Variants in RASGEF1C observed in about 807,000 individuals in gnomAD.
The protein encoded by RASGEF1C is ras-GEF domain-containing family member 1C.
A neutral mutation model predicts 58.1 loss-of-function variants in RASGEF1C; 27 were observed. That is an observed-to-expected ratio of 0.46 (90% CI 0.34 to 0.64). The LOEUF is 0.64. Ranked by LOEUF, RASGEF1C falls within the 30% of genes least tolerant of loss-of-function variation. The pLI, the probability that RASGEF1C is intolerant of heterozygous loss-of-function variation, is 0.01. For synonymous variants in RASGEF1C, 243 were observed against 246.3 expected (o/e 0.99, Z 0.13); for missense variants, 502 against 605.1 (o/e 0.83, Z 1.79).
At chr5:180,172,024 G>A (rs984528655) in intron 1 of RASGEF1C, among the ~76,000 whole-genome samples, 6 of 152,232 alleles carry the variant, frequency 3.9e-5, no homozygotes, top group African/African-American at 9.6e-5. Context: ...GCCGACACCC[G>A]CAAGGAATCT....
At chr5:180,166,730 G>A (rs1407373749) in intron 1 of RASGEF1C, among the ~76,000 whole-genome samples, 1 of 151,896 alleles carries the variant, frequency 6.6e-6, no homozygotes, top group Non-Finnish European at 1.5e-5. Flanking sequence ...TGGCCAGGCT[G>A]GTCTCAAACT....
At position 180,163,254 on chromosome 5, in the gene RASGEF1C, C is replaced by CTTTTTTTTTTTTTTTTTTTTTT. The variant is rs1187829324; in HGVS notation, c.-6-25197_-6-25196insAAAAAAAAAAAAAAAAAAAAAA. ...CACTTTTTTTTTTTTTTTTTTTTTC[C>CTTTTTTTTTTTTTTTTTTTTTT]AGCCTATTGCACTGGCTAGGACTTC... On this transcript the variant is annotated intron_variant, in intron 1 of 13. Transcript: ENST00000361132. Among the ~76,000 whole-genome samples the CTTTTTTTTTTTTTTTTTTTTTT allele has an allele frequency of 2.4e-3, 169 of 71,042 alleles. 30 individuals carry two copies. Among genetic ancestry groups the CTTTTTTTTTTTTTTTTTTTTTT allele is most frequent in the African/African-American group, 5.1e-3 (82 of 15,964 alleles). 46.6% of individuals were successfully genotyped at this position (71,042 alleles called of 152,430 possible).
intron 1 of RASGEF1C, among the ~76,000 whole-genome samples, chr5:180,163,593 C>A (rs1476913656): frequency 6.6e-6 from 1 of 152,032 alleles, no homozygotes; most frequent in Non-Finnish European, 1.5e-5. Flanking sequence ...AAATAGTAAA[C>A]CAGTCTTGCA....
intron 4 of RASGEF1C, among the ~76,000 whole-genome samples, chr5:180,132,787 A>G (rs747319661): frequency 2.0e-5 from 3 of 152,054 alleles, no homozygotes; most frequent in African/African-American, 7.2e-5. Flanking sequence ...TGGCCAACAT[A>G]GTGAAACCCT....
intron 12 of RASGEF1C, among the ~76,000 whole-genome samples, chr5:180,109,326 TGG>T (rs1765920433): frequency 6.6e-6 from 1 of 151,820 alleles, no homozygotes; most frequent in Non-Finnish European, 1.5e-5. Flanking sequence ...GGCGTGGTGG[TGG>T]GTGCCTGTAG....
At chr5:180,126,862 G>A (rs1170463465) in intron 6 of RASGEF1C, among the ~76,000 whole-genome samples, 1 of 152,182 alleles carries the variant, frequency 6.6e-6, no homozygotes, top group Non-Finnish European at 1.5e-5. Context: ...CATTTAGAGC[G>A]TCGATGCTAG....
intron 11 of RASGEF1C, among the ~76,000 whole-genome samples, chr5:180,112,148 G>A (rs1285622086): frequency 6.6e-6 from 1 of 152,038 alleles, no homozygotes; most frequent in Non-Finnish European, 1.5e-5. Context: ...GAAGGGCTAA[G>A]GCAGGGGGTT....
rs1437044546 is a variant in RASGEF1C at position 180,161,358 on chromosome 5, T to A, written c.-6-23300A>T. 2.0e-5 allele frequency among the ~76,000 whole-genome samples: 3 copies of A among 152,224 alleles called. No individual in the cohort carries two copies. In the East Asian group the frequency reaches 5.8e-4, roughly 29 times the overall value. On this transcript the variant is annotated intron_variant, in intron 1 of 13. Transcript: ENST00000361132. Reference sequence around the variant, plus strand: ...TCCGAGGCAAGGAGACTGAGGTGGTTTCCTCCCTGGAAAGCGGAGGTGGCA... The same window carrying A: ...TCCGAGGCAAGGAGACTGAGGTGGTATCCTCCCTGGAAAGCGGAGGTGGCA...
chr5:180,118,279 G>C (rs930307039), intron 10 of RASGEF1C, among the ~76,000 whole-genome samples: 1 of 152,144 alleles, frequency 6.6e-6, no homozygotes, highest in African/African-American at 2.4e-5. Flanking sequence ...CGCTGACTCC[G>C]GAGAAGAGAG....
At chr5:180,161,391 G>GC (rs942284150) in intron 1 of RASGEF1C, among the ~76,000 whole-genome samples, 4 of 152,278 alleles carry the variant, frequency 2.6e-5, no homozygotes, top group Admixed American at 2.0e-4. Flanking sequence ...GCAAGAACTG[G>GC]CCCTAGCCCC....
At chr5:180,202,151 T>C (rs1308976606) in intron 1 of RASGEF1C, among the ~76,000 whole-genome samples, 1 of 152,046 alleles carries the variant, frequency 6.6e-6, no homozygotes, top group East Asian at 1.9e-4. Flanking sequence ...TTAGAAAATC[T>C]CTTAGGGAGA....
At chr5:180,134,945 A>G (rs13159466) in intron 4 of RASGEF1C, among the ~76,000 whole-genome samples, 128,360 of 138,100 alleles carry the variant, frequency 0.93, 59,881 homozygotes, top group East Asian at 1. Context: ...CTGCCTATCC[A>G]ATTACCCAGT....
chr5:180,102,192 A>G, intron 12 of RASGEF1C, 49 bp from the exon 13 acceptor site: 1 of 1,106,826 alleles, frequency 9.0e-7, no homozygotes, highest in Non-Finnish European at 1.4e-6. Context: ...GATGATAATA[A>G]CCTGTTCTAC....
intron 1 of RASGEF1C, among the ~76,000 whole-genome samples, chr5:180,152,815 G>C (rs892828381): frequency 6.6e-6 from 1 of 151,328 alleles, no homozygotes; most frequent in African/African-American, 2.4e-5. Context: ...GGAGGCCGAG[G>C]CAGGAGAACT....
At chr5:180,149,724 G>A (rs1766716470) in intron 1 of RASGEF1C, among the ~76,000 whole-genome samples, 1 of 152,220 alleles carries the variant, frequency 6.6e-6, no homozygotes, top group Admixed American at 6.5e-5. Context: ...AAAGTGCTGG[G>A]ATTACAGGCG....
At chr5:180,136,046 T>C (rs534831352) in intron 4 of RASGEF1C, among the ~76,000 whole-genome samples, 4 of 152,274 alleles carry the variant, frequency 2.6e-5, no homozygotes, top group African/African-American at 7.2e-5. Context: ...TAGGTCTCCG[T>C]GGCCAAGGCC....
intron 10 of RASGEF1C, among the ~76,000 whole-genome samples, chr5:180,116,749 G>A (rs1390932588): frequency 2.6e-5 from 4 of 152,338 alleles, no homozygotes; most frequent in East Asian, 1.9e-4. Context: ...AGCCCAGCTC[G>A]GCACCAAGCT....
chr5:180,177,255 C>G lies in RASGEF1C; in HGVS notation c.-7+31773G>C, dbSNP rs1767245557. Among the ~76,000 whole-genome samples, 1 of 152,208 alleles carries G rather than the reference C, an allele frequency of 6.6e-6. No homozygotes were observed. The highest frequency in any genetic ancestry group is 1.5e-5 in the Non-Finnish European group (1 of 68,038). On this transcript the variant is annotated intron_variant, in intron 1 of 13. Transcript: ENST00000361132. This position sits in a 1 kb window ranked among gnomAD's most constrained non-coding sequence, Gnocchi z 5.0. ...CACATCAGCCCCTCAGCCCCGAAGCCAGGGGCTGCTTTCCCTTTCCGGCCC... is the reference window on the plus strand; with the variant it reads ...CACATCAGCCCCTCAGCCCCGAAGCGAGGGGCTGCTTTCCCTTTCCGGCCC...
intron 1 of RASGEF1C, among the ~76,000 whole-genome samples, chr5:180,159,507 T>C (rs1766903906): frequency 6.6e-6 from 1 of 152,238 alleles, no homozygotes; most frequent in Non-Finnish European, 1.5e-5. Context: ...TTTGCCTTTT[T>C]TCCTTATTTG....
Sources: gnomAD v4.1 joint callset for allele counts (sites outside exome capture counted in the v4.1 genomes callset) on GRCh38, gnomAD v4.1.1 for gene constraint, Gnocchi (gnomAD v3.1) non-coding constraint, MANE v1.5 for transcripts, NCBI Gene and HGNC (gene_info 2026-07-23, HGNC 2026-07-21) for gene names.